Variants in ADARB2 observed in about 807,000 individuals in gnomAD.
The protein encoded by ADARB2 is adenosine deaminase RNA specific B2 (inactive), also known as inactive double-stranded RNA-specific editase B2.
ADARB2 carries 25 observed loss-of-function variants against 62.2 expected under a neutral mutation model. The observed-to-expected ratio is 0.40, with a 90% CI of 0.29 to 0.56. The LOEUF is 0.56. Ranked by LOEUF, ADARB2 falls within the 20% of genes least tolerant of loss-of-function variation. ADARB2 has a pLI of 0.43. For synonymous variants in ADARB2, 572 were observed against 500.8 expected, an observed-to-expected ratio of 1.14 and a Z score of -1.90; for missense variants, 1,071 against 1,077.4, an observed-to-expected ratio of 0.99 and a Z score of 0.08.
chr10:1,298,739 T>TAGA, intron 3 of ADARB2, among the ~76,000 whole-genome samples: 1 of 23,236 alleles, frequency 4.3e-5, no homozygotes, highest in Non-Finnish European at 9.9e-5. Context: ...TTTTTTTTTT[T>TAGA]TTTTTTTTTT....
intron 1 of ADARB2, among the ~76,000 whole-genome samples, chr10:1,669,471 GAC>G (rs966301711): frequency 6.9e-6 from 1 of 145,288 alleles, no homozygotes; most frequent in African/African-American, 2.6e-5. Context: ...CACAAACACA[GAC>G]ACAGACACAC....
chr10:1,466,317 T>C (rs1221841310), intron 1 of ADARB2, among the ~76,000 whole-genome samples: 2 of 152,206 alleles, frequency 1.3e-5, no homozygotes, highest in African/African-American at 2.4e-5. Context: ...TTCTGATGAA[T>C]GAAAACCCGG....
chr10:1,202,814 G>A (rs147032551), intron 7 of ADARB2, among the ~76,000 whole-genome samples: 1 of 152,292 alleles, frequency 6.6e-6, no homozygotes, highest in African/African-American at 2.4e-5. Flanking sequence ...AGTAAAATTG[G>A]GATTCCTGGA....
At chr10:1,514,934 C>T (rs571938273) in intron 1 of ADARB2, among the ~76,000 whole-genome samples, 126 of 152,148 alleles carry the variant, frequency 8.3e-4, no homozygotes, top group Middle Eastern at 3.4e-3. Context: ...TGTGAATTCT[C>T]GTCATGACCA....
chr10:1,695,834 ATGTG>A (rs566272273), intron 1 of ADARB2, among the ~76,000 whole-genome samples: 18 of 148,782 alleles, frequency 1.2e-4, no homozygotes, highest in South Asian at 4.2e-4. Flanking sequence ...GAGTGCATGC[ATGTG>A]TGTGTACATG....
chr10:1,469,104 C>T (rs1831291284), intron 1 of ADARB2, among the ~76,000 whole-genome samples: 1 of 152,200 alleles, frequency 6.6e-6, no homozygotes, highest in Non-Finnish European at 1.5e-5. Flanking sequence ...GCATCCATTT[C>T]TTCTCTTTCT....
rs542699077 is a variant in ADARB2, at chr10:1,186,158, G to A, written c.1865-1119C>T. 5.9e-5 allele frequency among the ~76,000 whole-genome samples: 9 copies of A among 152,344 alleles called. No individual in the cohort carries two copies. The East Asian group carries it at 9.7e-4, about 16-fold the overall frequency. ...GGCTGCATTTGGCAATGTGACCCTC[G>A]GGGTGGGGAAGGCATCAGAGGAATA... On this transcript the variant is annotated intron_variant, in intron 8 of 9. Coordinates refer to ENST00000381312, the MANE Select transcript of ADARB2 (RefSeq NM_018702.4).
At chr10:1,234,562 TC>T (rs1366573103) in intron 5 of ADARB2, among the ~76,000 whole-genome samples, 1 of 152,004 alleles carries the variant, frequency 6.6e-6, no homozygotes, top group African/African-American at 2.4e-5. Context: ...TGCCTCAGCC[TC>T]CCGAGTAGCT....
intron 1 of ADARB2, among the ~76,000 whole-genome samples, chr10:1,695,791 T>A (rs1383788342): frequency 6.6e-6 from 1 of 152,086 alleles, no homozygotes; most frequent in Non-Finnish European, 1.5e-5. Flanking sequence ...TACACATGGG[T>A]GCATGTGTGT....
At chr10:1,647,605 T>C (rs1834060278) in intron 1 of ADARB2, among the ~76,000 whole-genome samples, 1 of 152,124 alleles carries the variant, frequency 6.6e-6, no homozygotes, top group African/African-American at 2.4e-5. Flanking sequence ...TATATGTCTG[T>C]GTGGGGATAT....
chr10:1,264,226 T>G (rs1479273746), intron 4 of ADARB2, among the ~76,000 whole-genome samples: 2 of 152,216 alleles, frequency 1.3e-5, no homozygotes, highest in Non-Finnish European at 2.9e-5. Flanking sequence ...TTAGGGATTT[T>G]TGTCCAGTTC....
intron 7 of ADARB2, among the ~76,000 whole-genome samples, chr10:1,206,928 C>T (rs1018193978): frequency 1.3e-5 from 2 of 152,304 alleles, no homozygotes; most frequent in African/African-American, 2.4e-5. Context: ...TGGCCGAGGT[C>T]GGTGGTGCTG....
intron 1 of ADARB2, among the ~76,000 whole-genome samples, chr10:1,438,644 A>C (rs1830863029): frequency 1.4e-5 from 2 of 143,490 alleles, no homozygotes; most frequent in South Asian, 2.4e-4. Flanking sequence ...CCCCCAAAAC[A>C]GAGGCAGATC....
intron 4 of ADARB2, among the ~76,000 whole-genome samples, chr10:1,264,140 T>C (rs1831170858): frequency 6.6e-6 from 1 of 152,106 alleles, no homozygotes; most frequent in Admixed American, 6.6e-5. Flanking sequence ...CGGTATCCAC[T>C]TAGTAATCAT....
chr10:1,280,794 CGTGTTT>C (rs1178450421), intron 3 of ADARB2, among the ~76,000 whole-genome samples: 1 of 152,188 alleles, frequency 6.6e-6, no homozygotes, highest in Non-Finnish European at 1.5e-5. Context: ...AGTGATGCTC[CGTGTTT>C]GCCTCCTAGG....
At chr10:1,268,525 A>C (rs1249825919) in intron 4 of ADARB2, among the ~76,000 whole-genome samples, 2 of 152,224 alleles carry the variant, frequency 1.3e-5, no homozygotes, top group East Asian at 3.8e-4. Flanking sequence ...AAATAAGTTT[A>C]ATTTTAAAAC....
At chr10:1,668,092 C>G (rs1834335536) in intron 1 of ADARB2, among the ~76,000 whole-genome samples, 1 of 152,188 alleles carries the variant, frequency 6.6e-6, no homozygotes, top group South Asian at 2.1e-4. Context: ...CTCACCCTCA[C>G]CCTTAGTGAT....
chr10:1,183,406 A>C, intron 9 of ADARB2, 37 bp from the exon 10 acceptor site: 1 of 1,595,978 alleles, frequency 6.3e-7, no homozygotes, highest in Non-Finnish European at 8.6e-7. Flanking sequence ...ATCAGACACC[A>C]GCAGAAAAGG....
chr10:1,598,138 G>A (rs112702134), intron 1 of ADARB2, among the ~76,000 whole-genome samples: 4,462 of 152,300 alleles, frequency 0.029, 240 homozygotes, highest in African/African-American at 0.1. Context: ...GCAGAGGTGG[G>A]GGCATGAGCT....
Sources: allele counts gnomAD v4.1 joint callset (sites outside exome capture counted in the v4.1 genomes callset), GRCh38; gene constraint gnomAD v4.1.1; transcripts MANE v1.5; gene names NCBI Gene and HGNC (gene_info 2026-07-23, HGNC 2026-07-21).